The following DGKH variants were observed in gnomAD, a reference collection of about 807,000 sequenced individuals.
DGKH encodes DAG kinase eta.
A neutral mutation model predicts 159.3 loss-of-function variants in DGKH; 90 were observed. That is an observed-to-expected ratio of 0.57 (90% CI 0.48 to 0.67). The LOEUF is 0.67. Ranked by LOEUF, DGKH falls within the 30% of genes least tolerant of loss-of-function variation. The pLI is 0.00. For missense variants in DGKH, 1,181 were observed against 1,506.1 expected (o/e 0.78, Z 3.57); for synonymous variants, 536 against 553.8 (o/e 0.97, Z 0.45).
intron 1 of DGKH, among the ~76,000 whole-genome samples, chr13:42,042,319 C>T (rs1880561172): frequency 1.3e-5 from 2 of 152,170 alleles, no homozygotes; most frequent in South Asian, 4.1e-4. Context: ...TGGAAATATC[C>T]GGGTGTATGT....
At chr13:42,175,327 A>G (rs1477970950) in intron 12 of DGKH, among the ~76,000 whole-genome samples, 2 of 152,224 alleles carry the variant, frequency 1.3e-5, no homozygotes, top group Non-Finnish European at 2.9e-5. Flanking sequence ...TGAAAAAGAA[A>G]ATAAAATCAC....
rs145625074 is a variant in DGKH at position 42,104,446 on chromosome 13, G to C, written c.193-23017G>C. Among the ~76,000 whole-genome samples, 203 of 152,340 alleles carry C rather than the reference G, an allele frequency of 1.3e-3. 2 individuals carry two copies. Among genetic ancestry groups the C allele is most frequent in the African/African-American group, 4.7e-3 (194 of 41,580 alleles). Reference sequence around the variant, plus strand: ...CATTGGCAAGATCTTAGTGACATGGGGGCTTCAAACTTCAAATAGCCTGGG... The same window carrying C: ...CATTGGCAAGATCTTAGTGACATGGCGGCTTCAAACTTCAAATAGCCTGGG... On this transcript the variant is annotated intron_variant, in intron 1 of 29. Coordinates refer to ENST00000337343, the MANE Select transcript of DGKH (RefSeq NM_178009.5).
chr13:42,119,602 A>G (rs1566111336), intron 1 of DGKH, among the ~76,000 whole-genome samples: 1 of 152,304 alleles, frequency 6.6e-6, no homozygotes, highest in East Asian at 1.9e-4. Flanking sequence ...TTTAGCTCTT[A>G]TCCCAAGGAC....
intron 1 of DGKH, among the ~76,000 whole-genome samples, chr13:42,051,014 A>G (rs984961419): frequency 1.7e-4 from 26 of 152,250 alleles, no homozygotes; most frequent in Non-Finnish European, 1.5e-5. Flanking sequence ...CATGTCAAAC[A>G]ACAAATTTGT....
Position 42,219,765 on chromosome 13 carries a change from T to C in DGKH, c.3413T>C (p.Val1138Ala), listed in dbSNP as rs1370553114. 1 of 1,613,556 alleles carries C rather than the reference T, an allele frequency of 6.2e-7. No individual in the cohort carries two copies. Among genetic ancestry groups the C allele is most frequent in the Admixed American group, 1.7e-5 (1 of 59,988 alleles). ...GTGCCAAAGTTTAAAAAGGAAAAGG[T>C]TCAGAAGCAGAAGACAAGTTCACAG... Reference protein sequence around the residue: ...RIVPKFKKEKVQKQKTSSQPV... With the variant: ...RIVPKFKKEKAQKQKTSSQPV... The change falls in exon 28 of 30, where the codon GTT becomes GCT. Residue 1138 changes from valine (V) to alanine (A), a missense_variant. Coordinates refer to ENST00000337343, the MANE Select transcript of DGKH (RefSeq NM_178009.5).
chr13:42,205,927 G>T, intron 20 of DGKH, 112 bp from the exon 21 acceptor site: 1 of 511,372 alleles, frequency 2.0e-6, no homozygotes. Flanking sequence ...CAGACATTAC[G>T]AACACACTGT....
chr13:42,219,110 T>TA lies in DGKH; in HGVS notation c.3214-114dup, dbSNP rs1957894203. 6 of 1,258,046 alleles carry TA rather than the reference T, an allele frequency of 4.8e-6. No homozygotes were observed. The South Asian group carries it at 8.4e-5, about 18-fold the overall frequency. The allele number at this position is 1,258,046 out of a possible 1,614,324, so 77.9% of individuals were successfully genotyped here. A position where few individuals can be genotyped will look rare whatever the true frequency, so the allele number is the denominator to read the frequency against. On this transcript the variant is annotated intron_variant, in intron 26 of 29. Coordinates refer to ENST00000337343, the MANE Select transcript of DGKH (RefSeq NM_178009.5). ...ATTCTTCTCTTAATATTCCTTAATT[T>TA]AAAAAATACTACCTTAATAAGGAGT...
downstream of DGKH, among the ~76,000 whole-genome samples, chr13:42,245,205 G>T (rs9315902): frequency 0.42 from 64,481 of 151,974 alleles, 14,050 homozygotes; most frequent in African/African-American, 0.53. Flanking sequence ...ATGCACTGGA[G>T]TATCTCATAA....
Position 42,219,712 on chromosome 13 carries a change from G to T in DGKH, c.3360G>T (p.Arg1120Ser). The T allele has an allele frequency of 6.2e-7, 1 of 1,613,676 alleles. No homozygotes were observed. Among genetic ancestry groups the T allele is most frequent in the South Asian group, 1.1e-5 (1 of 91,048 alleles). Residue 1120 changes from arginine (R) to serine (S), a missense_variant, in exon 28 of 30, where the codon AGG becomes AGT. Arg to Ser is a moderately radical substitution (Grantham distance 110). Transcript: ENST00000337343. Reference protein sequence around the residue: ...DEEPPMDCTKRNNRSTVFRIV... With the variant: ...DEEPPMDCTKSNNRSTVFRIV... ...AACCTCCTATGGATTGCACCAAAAG[G>T]AACAACAGAAGCACCGTATTTCGAA...
At chr13:42,253,598 C>T (rs1465843539) in intron 30 of DGKH, among the ~76,000 whole-genome samples, 3 of 152,182 alleles carry the variant, frequency 2.0e-5, no homozygotes, top group Non-Finnish European at 4.4e-5. Flanking sequence ...GGGAGATTTC[C>T]TGTGAAAGTC....
At chr13:42,074,177 C>G (rs2137701225) in intron 1 of DGKH, among the ~76,000 whole-genome samples, 1 of 152,270 alleles carries the variant, frequency 6.6e-6, no homozygotes, top group Admixed American at 6.5e-5. Context: ...TTGAAGGAAG[C>G]TGATTTGTTT....
chr13:42,048,874 CG>C lies in DGKH; in HGVS notation c.104del (p.Gly35GlufsTer17). ...ACCTCCGCCGCTGCCTCGGCGGGGC[CG>C]GGAGAGGATTCGTCTGACAGCGAAG... Reference protein sequence around the residue: ...AVTSAAASAGPGEDSSDSEAE... With the variant: ...AVTSAAASAGXGEDSSDSEAE... On this transcript the variant is annotated frameshift_variant, in exon 1 of 30. Transcript: ENST00000337343. LOFTEE classifies it high-confidence loss of function. This position sits in a 1 kb window ranked among gnomAD's most constrained non-coding sequence, Gnocchi z 6.7. 1 of 1,374,606 alleles carries C rather than the reference CG, an allele frequency of 7.3e-7. No homozygotes were observed. Among genetic ancestry groups the C allele is most frequent in the Non-Finnish European group, 9.4e-7 (1 of 1,059,228 alleles). 85.2% of individuals were successfully genotyped at this position (1,374,606 alleles called of 1,614,324 possible).
At chr13:42,116,030 C>T (rs1466810646) in intron 1 of DGKH, among the ~76,000 whole-genome samples, 1 of 152,182 alleles carries the variant, frequency 6.6e-6, no homozygotes, top group Non-Finnish European at 1.5e-5. Flanking sequence ...AATATCTTGA[C>T]ATGCCATGTT....
intron 29 of DGKH, among the ~76,000 whole-genome samples, chr13:42,249,765 C>A (rs1220987456): frequency 6.6e-6 from 1 of 152,176 alleles, no homozygotes; most frequent in Admixed American, 6.5e-5. Context: ...CAATGATTAG[C>A]TGAATGTCTA....
chr13:42,207,062 C>CTTCTTTCT lies in DGKH; in HGVS notation c.2601+961_2601+968dup, dbSNP rs760771890. ...CTTTCCTTCTTTCCTTCTTTCCTTC[C>CTTCTTTCT]TTCTTTCTTTCTTTCTTTCTTTCTT... is the stretch of plus-strand genomic sequence containing the variant. On this transcript the variant is annotated intron_variant, in intron 21 of 29. Coordinates refer to ENST00000337343, the MANE Select transcript of DGKH (RefSeq NM_178009.5). 3.0e-3 allele frequency among the ~76,000 whole-genome samples: 196 copies of CTTCTTTCT among 65,346 alleles called. 5 individuals carry two copies. The highest frequency in any genetic ancestry group is 0.012 in the African/African-American group (168 of 13,950). The allele number at this position is 65,346 out of a possible 152,430, so 42.9% of individuals were successfully genotyped here.
At chr13:42,098,499 T>A (rs1052368296) in intron 1 of DGKH, among the ~76,000 whole-genome samples, 88 of 148,376 alleles carry the variant, frequency 5.9e-4, no homozygotes, top group Non-Finnish European at 9.2e-4. Flanking sequence ...AAAAAAAAAA[T>A]AAATTAATAC....
intron 1 of DGKH, chr13:42,070,727 G>A (rs1331616452): frequency 2.5e-6 from 4 of 1,607,522 alleles, no homozygotes; most frequent in Non-Finnish European, 3.4e-6. Context: ...TCCAGTAAAG[G>A]GCCCTGCTCC....
In DGKH at chr13:42,231,907, C is replaced by G. The variant is rs1183267384; in HGVS notation, c.*2719C>G. 6.6e-6 allele frequency: 1 copy of G among 152,132 alleles called. No individual in the cohort carries two copies. Among genetic ancestry groups the G allele is most frequent in the Admixed American group, 6.5e-5 (1 of 15,272 alleles). 9.4% of individuals were successfully genotyped at this position (152,132 alleles called of 1,614,324 possible). On this transcript the variant is annotated 3_prime_UTR_variant, in exon 30 of 30. Transcript: ENST00000337343. ...CAAATGGCTTTGGATGAGGGAAATT[C>G]TATAAAATGACAATTTGGATATACT...
intron 1 of DGKH, chr13:42,071,111 T>C (rs1882937853): frequency 5.8e-6 from 5 of 866,652 alleles, no homozygotes; most frequent in Non-Finnish European, 7.0e-6. Flanking sequence ...CCCTTATGAT[T>C]GCCTTTTCCT....
Sources: gnomAD v4.1 joint callset for allele counts (sites outside exome capture counted in the v4.1 genomes callset) on GRCh38, gnomAD v4.1.1 for gene constraint, Gnocchi (gnomAD v3.1) non-coding constraint, MANE v1.5 for transcripts, NCBI Gene and HGNC (gene_info 2026-07-23, HGNC 2026-07-21) for gene names.